LGI2: variants seen among roughly 807,000 people sequenced by gnomAD.
LGI2 encodes the protein leucine-rich repeat LGI family member 2.
Under a neutral mutation model 52.0 loss-of-function variants are expected in LGI2, and 30 were observed. The observed-to-expected ratio is 0.58, with a 90% CI of 0.43 to 0.78. The LOEUF is 0.78. LGI2 is among the 30% of genes least tolerant of loss of function. The probability of loss-of-function intolerance (pLI) is 0.00; values close to 1 mark genes in which losing one functional copy is unlikely to be tolerated. For missense variants in LGI2, 573 were observed against 692.5 expected, an observed-to-expected ratio of 0.83 and a Z score of 1.94; for synonymous variants, 270 against 271.8, an observed-to-expected ratio of 0.99 and a Z score of 0.06.
At chr4:25,024,053 A>G (rs1726062889) in intron 4 of LGI2, among the ~76,000 whole-genome samples, 2 of 152,216 alleles carry the variant, frequency 1.3e-5, no homozygotes, top group Non-Finnish European at 2.9e-5. Context: ...AAATGTCTCT[A>G]TTCCACTTTG....
intron 7 of LGI2, among the ~76,000 whole-genome samples, chr4:25,010,001 G>A (rs574618609): frequency 1.1e-4 from 17 of 152,048 alleles, no homozygotes; most frequent in Admixed American, 2.0e-4. Context: ...CAGAGTAAGC[G>A]TTCAAGAAAT....
At chr4:25,014,529 AAAG>A (rs1200765702) in intron 6 of LGI2, among the ~76,000 whole-genome samples, 19 of 151,270 alleles carry the variant, frequency 1.3e-4, no homozygotes, top group Non-Finnish European at 2.5e-4. Context: ...GAGAAGGAAA[AAAG>A]AAGAACAGGG....
chr4:25,010,904 G>T (rs1290504005), intron 7 of LGI2, among the ~76,000 whole-genome samples: 1 of 151,730 alleles, frequency 6.6e-6, no homozygotes, highest in African/African-American at 2.4e-5. Context: ...GCATCATAGT[G>T]AGACCCTGTC....
At chr4:25,015,319 C>T (rs1201833409) in intron 6 of LGI2, among the ~76,000 whole-genome samples, 4 of 152,170 alleles carry the variant, frequency 2.6e-5, no homozygotes, top group Non-Finnish European at 5.9e-5. Context: ...AAATTCACTT[C>T]CTCTAAGGAA....
rs746008521 is a variant in LGI2, at chr4:25,012,389, C to CCG, written c.765_766insCG (p.Val256ArgfsTer10). ...ATTTCAATGTGGTCCCACTCCAGCA[C>CCG]CATGCAGTTCTCCATGCTGGGCTGC... On this transcript the variant is annotated frameshift_variant, in exon 7 of 8. Coordinates refer to ENST00000382114, the MANE Select transcript of LGI2 (RefSeq NM_018176.4). LOFTEE classifies it high-confidence loss of function. 6 of 1,614,102 alleles carry CCG rather than the reference C, an allele frequency of 3.7e-6. No individual in the cohort carries two copies. Among genetic ancestry groups the CCG allele is most frequent in the Non-Finnish European group, 8.5e-7 (1 of 1,180,042 alleles).
chr4:25,024,844 C>A lies in LGI2; in HGVS notation c.389G>T (p.Arg130Leu). 4 of 1,608,366 alleles carry A rather than the reference C, an allele frequency of 2.5e-6. No individual in the cohort carries two copies. The highest frequency in any genetic ancestry group is 3.4e-6 in the Non-Finnish European group (4 of 1,177,782). ...KIETISRNAF[R>L]GLRDLTHLSL... is the part of the protein sequence containing the mutation. Reference sequence around the variant, plus strand: ...CAGGTGAGTCAGGTCACGGAGGCCACGAAAGGCATTTCTTGAAATGGTTTC... The same window carrying A: ...CAGGTGAGTCAGGTCACGGAGGCCAAGAAAGGCATTTCTTGAAATGGTTTC... The change falls in exon 4 of 8, where the codon CGT becomes CTT. Residue 130 changes from arginine (R) to leucine (L), a missense_variant. Transcript: ENST00000382114.
intron 4 of LGI2, among the ~76,000 whole-genome samples, chr4:25,021,930 C>CAAAA (rs35526176): frequency 1.4e-4 from 11 of 76,542 alleles, no homozygotes; most frequent in South Asian, 4.7e-4. Context: ...GATTCCATCT[C>CAAAA]AAAAAAAAAA....
intron 6 of LGI2, among the ~76,000 whole-genome samples, chr4:25,015,359 A>G (rs548227943): frequency 2.6e-5 from 4 of 152,236 alleles, no homozygotes; most frequent in Non-Finnish European, 4.4e-5. Flanking sequence ...AACACAGGGA[A>G]TCATCGGTAG....
At chr4:25,007,495 C>T (rs1036289084) in intron 7 of LGI2, among the ~76,000 whole-genome samples, 14 of 152,002 alleles carry the variant, frequency 9.2e-5, no homozygotes, top group African/African-American at 3.4e-4. Flanking sequence ...CAAAGGACCG[C>T]GTGAAACAGA....
At chr4:25,010,959 G>A (rs1725561850) in intron 7 of LGI2, among the ~76,000 whole-genome samples, 1 of 151,812 alleles carries the variant, frequency 6.6e-6, no homozygotes, top group Non-Finnish European at 1.5e-5. Context: ...GTGTGTGCCT[G>A]TAGTCCCAGC....
intron 6 of LGI2, among the ~76,000 whole-genome samples, chr4:25,017,673 C>G (rs775207691): frequency 1.5e-4 from 22 of 151,692 alleles, no homozygotes; most frequent in Admixed American, 3.9e-4. Flanking sequence ...TCTATGAAAC[C>G]TAGATTGATT....
intron 3 of LGI2, 121 bp from the exon 4 acceptor site, chr4:25,025,012 T>C: frequency 1.5e-6 from 1 of 669,432 alleles, no homozygotes; most frequent in Non-Finnish European, 2.4e-6. Context: ...AATTGATCTC[T>C]GAAGACTAGG....
the LGI2 span, among the ~76,000 whole-genome samples, chr4:24,993,552 T>A: frequency 6.6e-6 from 1 of 152,194 alleles, no homozygotes; most frequent in East Asian, 1.9e-4. Flanking sequence ...AGACACAGCC[T>A]CTGGAATGAG....
chr4:25,017,926 T>G (rs1000293384), intron 6 of LGI2, 63 bp downstream of exon 6: 3 of 1,399,366 alleles, frequency 2.1e-6, no homozygotes, highest in Non-Finnish European at 2.9e-6. Flanking sequence ...CTGTTGACAG[T>G]GTAAAAGAAA....
At position 25,004,357 on chromosome 4, in the gene LGI2, T is replaced by A; in HGVS notation, c.821-89A>T. On this transcript the variant is annotated intron_variant, in intron 7 of 7. Transcript: ENST00000382114. This position sits in a 1 kb window ranked among gnomAD's most constrained non-coding sequence, Gnocchi z 4.6. ...TACTCTTATACACTGCTGGTGGGAGTGTGAAATGGCACAGCCACTATGGAA... is the reference window on the plus strand; with the variant it reads ...TACTCTTATACACTGCTGGTGGGAGAGTGAAATGGCACAGCCACTATGGAA... The A allele has an allele frequency of 1.7e-6, 2 of 1,165,400 alleles. No homozygotes were observed. Among genetic ancestry groups the A allele is most frequent in the Non-Finnish European group, 2.4e-6 (2 of 826,054 alleles). The allele number at this position is 1,165,400 out of a possible 1,614,324, so 72.2% of individuals were successfully genotyped here.
chr4:25,003,500 T>C lies in LGI2; in HGVS notation c.1589A>G (p.Lys530Arg). 6.2e-7 allele frequency: 1 copy of C among 1,605,636 alleles called. No individual in the cohort carries two copies. Among genetic ancestry groups the C allele is most frequent in the Non-Finnish European group, 8.5e-7 (1 of 1,178,184 alleles). The change falls in exon 8 of 8, where the codon AAA becomes AGA. Residue 530 changes from lysine (K) to arginine (R), a missense_variant. Lys to Arg is a conservative substitution (Grantham distance 26). Coordinates refer to ENST00000382114, the MANE Select transcript of LGI2 (RefSeq NM_018176.4). ...RRDFFFASSF[K>R]GKTKIFEHII... ...ATGTTCAAAAATCTTTGTTTTCCCT[T>C]TGAAACTGGATGCAAAAAAGAAATC... is the stretch of plus-strand genomic sequence containing the variant.
rs1725852858 is a variant in LGI2, at chr4:25,018,750, T to G, written c.485+417A>C. Among the ~76,000 whole-genome samples the G allele has an allele frequency of 3.9e-5, 6 of 152,002 alleles. No individual in the cohort carries two copies. In the South Asian group the frequency reaches 1.2e-3, roughly 32 times the overall value. ...AGTGGTGTGCGCCTGTAGTCCCAGC[T>G]ACTCAGGAGGCTGAGGCAGGAGAAT... On this transcript the variant is annotated intron_variant, in intron 5 of 7. Transcript: ENST00000382114.
In LGI2 at chr4:25,000,257, G is replaced by C. The variant is rs183323760; in HGVS notation, c.*3194C>G. Reference sequence around the variant, plus strand: ...GTCTTTCTCTGGGAGAGTATAGCAGGGTGTCTTAGAAAGAAAATACAATGT... The same window carrying C: ...GTCTTTCTCTGGGAGAGTATAGCAGCGTGTCTTAGAAAGAAAATACAATGT... On this transcript the variant is annotated 3_prime_UTR_variant, in exon 8 of 8. Coordinates refer to ENST00000382114, the MANE Select transcript of LGI2 (RefSeq NM_018176.4). 1.6e-4 allele frequency: 25 copies of C among 156,332 alleles called. No individual in the cohort carries two copies. The East Asian group carries it at 4.2e-3, about 26-fold the overall frequency. 9.7% of individuals were successfully genotyped at this position (156,332 alleles called of 1,614,324 possible).
intron 6 of LGI2, among the ~76,000 whole-genome samples, chr4:25,017,633 C>A (rs12507961): frequency 6.6e-6 from 1 of 151,124 alleles, no homozygotes; most frequent in African/African-American, 2.4e-5. Context: ...CAGTCTCAAC[C>A]GAGTAATCTA....
Sources: gnomAD v4.1 joint callset for allele counts (sites outside exome capture counted in the v4.1 genomes callset) on GRCh38, gnomAD v4.1.1 for gene constraint, Gnocchi (gnomAD v3.1) non-coding constraint, MANE v1.5 for transcripts, NCBI Gene and HGNC (gene_info 2026-07-23, HGNC 2026-07-21) for gene names.